The following ANKS6 variants were observed in gnomAD, a reference collection of about 807,000 sequenced individuals.
The protein encoded by ANKS6 is ankyrin repeat and sterile alpha motif domain containing 6, also known as ankyrin repeat and SAM domain-containing protein 6.
ANKS6 carries 47 observed loss-of-function variants against 77.9 expected under a neutral mutation model. That is an observed-to-expected ratio of 0.60 (90% CI 0.48 to 0.77). The LOEUF (loss-of-function observed/expected upper bound fraction) is 0.77, where lower values mean the gene tolerates loss of function less well. Ranked by LOEUF, ANKS6 falls within the 30% of genes least tolerant of loss-of-function variation. The pLI is 0.00. For missense variants in ANKS6, 1,150 were observed against 1,159.1 expected (o/e 0.99, Z 0.11); for synonymous variants, 488 against 501.7 (o/e 0.97, Z 0.37).
intron 2 of ANKS6, 49 bp downstream of exon 2, chr9:98,790,055 A>T: frequency 6.6e-7 from 1 of 1,518,622 alleles, no homozygotes; most frequent in Non-Finnish European, 8.8e-7. Context: ...AAGCCACATA[A>T]ACACAATTTG....
At chr9:98,776,122 A>G (rs1833905121) in intron 8 of ANKS6, among the ~76,000 whole-genome samples, 1 of 152,134 alleles carries the variant, frequency 6.6e-6, no homozygotes, top group Non-Finnish European at 1.5e-5. Flanking sequence ...CAAACGTGAA[A>G]CCCAGAGAGG....
chr9:98,782,703 C>T, intron 4 of ANKS6, 130 bp from the exon 5 acceptor site: 1 of 668,480 alleles, frequency 1.5e-6, no homozygotes, highest in Non-Finnish European at 2.6e-6. Flanking sequence ...GGCAAACAGT[C>T]TCACATTCTC....
intron 11 of ANKS6, 61 bp from the exon 12 acceptor site, chr9:98,756,664 C>T: frequency 7.3e-7 from 1 of 1,361,244 alleles, no homozygotes; most frequent in South Asian, 1.9e-5. Flanking sequence ...ATGAGGAAAA[C>T]AAGACACCCA....
intron 13 of ANKS6, among the ~76,000 whole-genome samples, chr9:98,750,481 T>G (rs1299669835): frequency 6.6e-6 from 1 of 152,228 alleles, no homozygotes; most frequent in African/African-American, 2.4e-5. Flanking sequence ...CTACAAGCAT[T>G]TGTGTACAAG....
chr9:98,761,742 G>T (rs1458259844), intron 11 of ANKS6, among the ~76,000 whole-genome samples: 1 of 152,098 alleles, frequency 6.6e-6, no homozygotes. Context: ...TTCTTGTGCG[G>T]GTCTATTTTT....
intron 14 of ANKS6, among the ~76,000 whole-genome samples, chr9:98,737,777 G>A (rs1205585394): frequency 1.3e-5 from 2 of 152,104 alleles, no homozygotes; most frequent in Non-Finnish European, 2.9e-5. Flanking sequence ...CGTAGCCAAA[G>A]CAAGAATAAG....
rs193294639 is a variant in ANKS6 at position 98,766,595 on chromosome 9, G to A, written c.2142+1486C>T. Among the ~76,000 whole-genome samples, 22 of 152,220 alleles carry A rather than the reference G, an allele frequency of 1.4e-4. No homozygotes were observed. In the South Asian group the frequency reaches 1.9e-3, roughly 13 times the overall value. ...TAAAAGGAACTTAATCATATAGGAC[G>A]TATTACACAAATTATTTTGAAGATA... On this transcript the variant is annotated intron_variant, in intron 11 of 14. Transcript: ENST00000353234.
intron 12 of ANKS6, among the ~76,000 whole-genome samples, chr9:98,752,527 GC>G (rs2117897899): frequency 6.6e-6 from 1 of 152,280 alleles, no homozygotes; most frequent in South Asian, 2.1e-4. Flanking sequence ...CTGTCATGAA[GC>G]TCAGTGTGGC....
chr9:98,779,869 A>G (rs1463465017), intron 6 of ANKS6, among the ~76,000 whole-genome samples: 1 of 151,990 alleles, frequency 6.6e-6, no homozygotes, highest in African/African-American at 2.4e-5. Flanking sequence ...TCACCGTGTT[A>G]GCCAGGATGG....
At position 98,780,341 on chromosome 9, in the gene ANKS6, T is replaced by A. The variant is rs1834173509; in HGVS notation, c.1220-4A>T. On this transcript the variant is annotated splice_polypyrimidine_tract_variant and splice_region_variant and intron_variant, in intron 5 of 14. Transcript: ENST00000353234. ...AGCAGTCGAACAAGTTCCGTGTCTA[T>A]GGACACAAAAGGCATCATTTTACCT... is the stretch of plus-strand genomic sequence containing the variant. 6.3e-7 allele frequency: 1 copy of A among 1,584,002 alleles called. No homozygotes were observed. Among genetic ancestry groups the A allele is most frequent in the Non-Finnish European group, 8.6e-7 (1 of 1,163,442 alleles).
chr9:98,757,860 A>G (rs1832797516), intron 11 of ANKS6, among the ~76,000 whole-genome samples: 2 of 152,048 alleles, frequency 1.3e-5, no homozygotes, highest in African/African-American at 4.8e-5. Context: ...CCCGGGAGGC[A>G]GAGGTTGCAG....
intron 3 of ANKS6, 172 bp from the exon 4 acceptor site, chr9:98,784,329 C>G: frequency 7.2e-6 from 4 of 557,192 alleles, no homozygotes; most frequent in Non-Finnish European, 1.2e-5. Flanking sequence ...CTCTTAAATG[C>G]CTCAGTCTAG....
Position 98,777,406 on chromosome 9 carries a change from AT to A in ANKS6, c.1615del (p.Met539CysfsTer16). 6.2e-7 allele frequency: 1 copy of A among 1,614,082 alleles called. No homozygotes were observed. The highest frequency in any genetic ancestry group is 8.5e-7 in the Non-Finnish European group (1 of 1,179,984). ...GEKEDTLLTT[M>X]LRNGAPLTRL... is the part of the protein sequence containing the mutation. ...CTTTTAGAAAAGCCCCACACTCACC[AT>A]GGTTGTCAATAACGTGTCTTCCTTT... On this transcript the variant is annotated frameshift_variant and splice_region_variant, in exon 8 of 15. Coordinates refer to ENST00000353234, the MANE Select transcript of ANKS6 (RefSeq NM_173551.5). LOFTEE classifies it high-confidence loss of function.
chr9:98,747,245 T>A (rs1318771217), intron 13 of ANKS6, among the ~76,000 whole-genome samples: 1 of 151,980 alleles, frequency 6.6e-6, no homozygotes, highest in Non-Finnish European at 1.5e-5. Context: ...TTATTTTATA[T>A]TCCCTCATAC....
In ANKS6 at chr9:98,733,170, C is replaced by T. The variant is rs371999966; in HGVS notation, c.*3349G>A. 2 of 980,328 alleles carry T rather than the reference C, an allele frequency of 2.0e-6. No homozygotes were observed. The highest frequency in any genetic ancestry group is 3.5e-5 in the African/African-American group (2 of 57,230). The allele number at this position is 980,328 out of a possible 1,614,324, so 60.7% of individuals were successfully genotyped here. On this transcript the variant is annotated 3_prime_UTR_variant, in exon 15 of 15. Transcript: ENST00000353234. ...ACAGAGCGTACGAGTAGGGCTGGCA[C>T]AGGGTAGATGCTCAGTAAACGTTCG...
intron 1 of ANKS6, among the ~76,000 whole-genome samples, chr9:98,795,451 C>G (rs1687189294): frequency 6.6e-6 from 1 of 152,182 alleles, no homozygotes; most frequent in African/African-American, 2.4e-5. Flanking sequence ...CCCCAACTCC[C>G]TGGCATCTGC....
In ANKS6 at chr9:98,734,383, T is replaced by C. The variant is rs2131912078; in HGVS notation, c.*2136A>G. Reference sequence around the variant, plus strand: ...CATTGTTCAATCAAACTTACCTGAGTGGAAGCTATACCAGTATATTGTTAT... The same window carrying C: ...CATTGTTCAATCAAACTTACCTGAGCGGAAGCTATACCAGTATATTGTTAT... On this transcript the variant is annotated 3_prime_UTR_variant, in exon 15 of 15. Transcript: ENST00000353234. 1.0e-6 allele frequency: 1 copy of C among 985,018 alleles called. No individual in the cohort carries two copies. The highest frequency in any genetic ancestry group is 4.7e-5 in the South Asian group (1 of 21,260). The allele number at this position is 985,018 out of a possible 1,614,324, so 61.0% of individuals were successfully genotyped here.
intron 1 of ANKS6, among the ~76,000 whole-genome samples, chr9:98,793,971 G>A (rs936718112): frequency 9.3e-5 from 14 of 149,920 alleles, no homozygotes; most frequent in African/African-American, 3.4e-4. Context: ...CCAACACAGT[G>A]AAACCCGGTC....
chr9:98,770,128 G>A (rs538438363), intron 10 of ANKS6, among the ~76,000 whole-genome samples: 2 of 152,042 alleles, frequency 1.3e-5, no homozygotes, highest in South Asian at 2.1e-4. Flanking sequence ...TCATGGGGGC[G>A]GGTCTCTCCT....
Sources: allele counts gnomAD v4.1 joint callset (sites outside exome capture counted in the v4.1 genomes callset), GRCh38; gene constraint gnomAD v4.1.1; transcripts MANE v1.5; gene names NCBI Gene and HGNC (gene_info 2026-07-23, HGNC 2026-07-21).